The following ITPR2 variants were observed in gnomAD, a reference collection of about 807,000 sequenced individuals.
The protein encoded by ITPR2 is inositol 1,4,5-trisphosphate receptor type 2, also known as inositol 1,4,5-trisphosphate-gated calcium channel ITPR2.
In ITPR2, 207 loss-of-function variants were observed where a neutral mutation model predicts 317.1. The observed-to-expected ratio is 0.65, with a 90% CI of 0.58 to 0.73. ITPR2 has a LOEUF of 0.73. ITPR2 is among the 30% of genes least tolerant of loss of function. The pLI is 0.00. For synonymous variants in ITPR2, 1,156 were observed against 1,149.1 expected, an observed-to-expected ratio of 1.01 and a Z score of -0.12; for missense variants, 2,613 against 3,284.0, an observed-to-expected ratio of 0.80 and a Z score of 4.99.
intron 1 of ITPR2, among the ~76,000 whole-genome samples, chr12:26,829,219 T>C (rs1195926982): frequency 7.1e-6 from 1 of 141,046 alleles, no homozygotes; most frequent in East Asian, 2.1e-4. Flanking sequence ...TATTCCCAAT[T>C]TTTTATTATA....
chr12:26,614,776 T>C (rs920351338), intron 26 of ITPR2, among the ~76,000 whole-genome samples: 3 of 151,910 alleles, frequency 2.0e-5, no homozygotes, highest in Non-Finnish European at 4.4e-5. Context: ...AAAAAATCAG[T>C]GGTTGGCAGG....
At chr12:26,511,966 T>C (rs1943360789) in intron 37 of ITPR2, among the ~76,000 whole-genome samples, 1 of 152,182 alleles carries the variant, frequency 6.6e-6, no homozygotes, top group South Asian at 2.1e-4. Flanking sequence ...CTGAAACATC[T>C]GTCATCCTAA....
chr12:26,820,622 G>A (rs1950924648), intron 1 of ITPR2, among the ~76,000 whole-genome samples: 1 of 152,106 alleles, frequency 6.6e-6, no homozygotes, highest in African/African-American at 2.4e-5. Flanking sequence ...CCATTGCTAA[G>A]TATATACCTA....
chr12:26,691,760 T>C (rs960943656), intron 10 of ITPR2, among the ~76,000 whole-genome samples: 6 of 151,496 alleles, frequency 4.0e-5, no homozygotes, highest in Non-Finnish European at 7.4e-5. Context: ...AATTCTGTTG[T>C]TGGGAGCCAG....
intron 28 of ITPR2, among the ~76,000 whole-genome samples, chr12:26,601,876 G>T (rs1039961448): frequency 6.6e-6 from 1 of 151,922 alleles, no homozygotes; most frequent in South Asian, 2.1e-4. Flanking sequence ...GCAATGAGAC[G>T]AACACAGCAT....
chr12:26,428,993 C>A (rs566238962), intron 48 of ITPR2, among the ~76,000 whole-genome samples: 2 of 152,280 alleles, frequency 1.3e-5, no homozygotes, highest in East Asian at 3.9e-4. Flanking sequence ...TATTCAATAA[C>A]AGTCTTAATC....
chr12:26,526,552 G>A (rs964323648), intron 37 of ITPR2, among the ~76,000 whole-genome samples: 2 of 152,096 alleles, frequency 1.3e-5, no homozygotes, highest in Non-Finnish European at 2.9e-5. Flanking sequence ...TTCTTTTAAA[G>A]AGAAACAGAA....
chr12:26,378,666 AATG>A (rs2136612387), intron 55 of ITPR2, among the ~76,000 whole-genome samples: 1 of 152,338 alleles, frequency 6.6e-6, no homozygotes, highest in African/African-American at 2.4e-5. Context: ...CTGGGAGGGC[AATG>A]ATATTTTATT....
At chr12:26,340,992 T>G (rs1278653104) in intron 55 of ITPR2, among the ~76,000 whole-genome samples, 1 of 151,928 alleles carries the variant, frequency 6.6e-6, no homozygotes, top group Admixed American at 6.6e-5. Context: ...TGTAGGTGTT[T>G]TGTGTGTGTG....
At chr12:26,569,410 C>G (rs1220294520) in intron 34 of ITPR2, among the ~76,000 whole-genome samples, 1 of 151,326 alleles carries the variant, frequency 6.6e-6, no homozygotes, top group Admixed American at 6.6e-5. Flanking sequence ...AAAAATTAGC[C>G]GGGTGTGGCA....
chr12:26,744,944 T>A (rs569475100), intron 2 of ITPR2, among the ~76,000 whole-genome samples: 7 of 152,274 alleles, frequency 4.6e-5, no homozygotes, highest in Admixed American at 4.6e-4. Context: ...CAAACTGTTA[T>A]GCACGTACAG....
In ITPR2 at chr12:26,597,210, T is replaced by A. The variant is rs138448782; in HGVS notation, c.4003-76A>T. 60 of 1,454,324 alleles carry A rather than the reference T, an allele frequency of 4.1e-5. No homozygotes were observed. The African/African-American group carries it at 6.0e-4, about 14-fold the overall frequency. The allele number at this position is 1,454,324 out of a possible 1,614,324, so 90.1% of individuals were successfully genotyped here. ...CAGTTATTTCCAAAGGCTTGATATATCTGGAAACACGTATATCTCTTCGTA... is the reference window on the plus strand; with the variant it reads ...CAGTTATTTCCAAAGGCTTGATATAACTGGAAACACGTATATCTCTTCGTA... On this transcript the variant is annotated intron_variant, in intron 30 of 56. Coordinates refer to ENST00000381340, the MANE Select transcript of ITPR2 (RefSeq NM_002223.4).
intron 29 of ITPR2, 87 bp from the exon 30 acceptor site, chr12:26,599,432 C>G: frequency 8.4e-7 from 1 of 1,193,680 alleles, no homozygotes; most frequent in Non-Finnish European, 1.2e-6. Flanking sequence ...TGCTTGTGAT[C>G]AGTTTTATAT....
chr12:26,357,893 C>T (rs905991765), intron 55 of ITPR2, among the ~76,000 whole-genome samples: 2 of 152,230 alleles, frequency 1.3e-5, no homozygotes, highest in South Asian at 4.1e-4. Context: ...GAGGAAGCTG[C>T]AGGGCGGCTA....
chr12:26,645,970 C>CTTT (rs777192053), intron 21 of ITPR2, among the ~76,000 whole-genome samples: 66 of 119,002 alleles, frequency 5.5e-4, no homozygotes, highest in African/African-American at 1.0e-3. Flanking sequence ...TCTTTCTTTC[C>CTTT]TTTTTTTTTT....
At chr12:26,562,111 A>G (rs766189946) in intron 34 of ITPR2, among the ~76,000 whole-genome samples, 159 bp from the exon 35 acceptor site, 74 of 152,234 alleles carry the variant, frequency 4.9e-4, no homozygotes, top group Non-Finnish European at 8.5e-4. Flanking sequence ...ACCTGAATGT[A>G]TTTCAATTCT....
chr12:26,610,561 T>G (rs1383177097), intron 26 of ITPR2, among the ~76,000 whole-genome samples: 1 of 152,046 alleles, frequency 6.6e-6, no homozygotes, highest in East Asian at 1.9e-4. Flanking sequence ...TCATAATTAA[T>G]AAAGTAATAT....
chr12:26,754,036 T>C (rs754589361), intron 2 of ITPR2, among the ~76,000 whole-genome samples: 4 of 152,218 alleles, frequency 2.6e-5, no homozygotes, highest in Non-Finnish European at 5.9e-5. Flanking sequence ...TGTTTATATA[T>C]GAAAGAGCTT....
At chr12:26,467,415 T>C (rs772713723) in intron 45 of ITPR2, among the ~76,000 whole-genome samples, 5 of 152,132 alleles carry the variant, frequency 3.3e-5, no homozygotes, top group Admixed American at 6.5e-5. Flanking sequence ...GAAAGAGTTA[T>C]TGACTTTGAT....
Sources: allele counts gnomAD v4.1 joint callset (sites outside exome capture counted in the v4.1 genomes callset), GRCh38; gene constraint gnomAD v4.1.1; transcripts MANE v1.5; gene names NCBI Gene and HGNC (gene_info 2026-07-23, HGNC 2026-07-21).